Variants in CSMD3 observed in about 807,000 individuals in gnomAD.
CSMD3 encodes the protein CUB and Sushi multiple domains 3.
A neutral mutation model predicts 435.2 loss-of-function variants in CSMD3; 177 were observed. The ratio of observed to expected loss-of-function variants is 0.41; its 90% CI spans 0.36 to 0.46. The LOEUF (loss-of-function observed/expected upper bound fraction) is 0.46. Among genes scored for constraint, CSMD3 ranks in the 20% least tolerant of loss-of-function variants. CSMD3 has a pLI of 0.34. For missense variants in CSMD3, 4,265 were observed against 4,504.6 expected, an observed-to-expected ratio of 0.95 and a Z score of 1.52; for synonymous variants, 1,656 against 1,520.5, an observed-to-expected ratio of 1.09 and a Z score of -2.07.
intron 1 of CSMD3, among the ~76,000 whole-genome samples, chr8:113,354,601 G>A (rs1480615601): frequency 6.6e-6 from 1 of 152,126 alleles, no homozygotes; most frequent in Non-Finnish European, 1.5e-5. Context: ...GATCCCCAAA[G>A]TAACATAACA....
At chr8:113,311,799 A>C (rs2093871383) in intron 2 of CSMD3, 1 of 152,174 alleles carries the variant, frequency 6.6e-6, no homozygotes, top group Non-Finnish European at 1.5e-5. Flanking sequence ...GAAGCACAAA[A>C]ACCAATAAAT....
At chr8:113,072,981 T>C (rs2089189649) in intron 5 of CSMD3, among the ~76,000 whole-genome samples, 1 of 151,490 alleles carries the variant, frequency 6.6e-6, no homozygotes, top group Non-Finnish European at 1.5e-5. Flanking sequence ...CTGACTTTGT[T>C]ACTGATCTAT....
intron 17 of CSMD3, among the ~76,000 whole-genome samples, chr8:112,662,530 G>A (rs956576324): frequency 6.6e-6 from 1 of 152,014 alleles, no homozygotes; most frequent in African/African-American, 2.4e-5. Context: ...ATTCAAGATG[G>A]ATTAAAGACT....
chr8:112,589,958 T>C (rs1347496388), intron 22 of CSMD3, among the ~76,000 whole-genome samples: 1 of 152,142 alleles, frequency 6.6e-6, no homozygotes, highest in Non-Finnish European at 1.5e-5. Context: ...AGTCAGGTGC[T>C]ATAAGGAATA....
intron 32 of CSMD3, among the ~76,000 whole-genome samples, chr8:112,467,018 A>G (rs544769368): frequency 1.3e-5 from 2 of 152,346 alleles, no homozygotes; most frequent in Admixed American, 6.5e-5. Flanking sequence ...TAAACAAAAT[A>G]CATTAAAGTA....
intron 66 of CSMD3, among the ~76,000 whole-genome samples, chr8:112,241,378 C>A (rs1420036759): frequency 6.6e-6 from 1 of 151,892 alleles, no homozygotes; most frequent in Non-Finnish European, 1.5e-5. Context: ...GTATTTGGAT[C>A]CTTTTAAAAA....
At chr8:112,403,050 G>A (rs943622941) in intron 35 of CSMD3, among the ~76,000 whole-genome samples, 6 of 152,092 alleles carry the variant, frequency 3.9e-5, no homozygotes, top group Admixed American at 3.9e-4. Flanking sequence ...TCTCTGGTAG[G>A]CACAAGATAG....
intron 5 of CSMD3, among the ~76,000 whole-genome samples, chr8:113,069,607 A>C (rs181758171): frequency 2.9e-4 from 44 of 152,214 alleles, no homozygotes; most frequent in African/African-American, 1.0e-3. Context: ...AGATGTGGGC[A>C]GTAATGGGAT....
At chr8:113,071,658 G>A (rs1368067364) in intron 5 of CSMD3, among the ~76,000 whole-genome samples, 4 of 151,802 alleles carry the variant, frequency 2.6e-5, no homozygotes, top group African/African-American at 9.6e-5. Context: ...TATCTATTCT[G>A]TTCCATTGTC....
chr8:113,273,215 A>G (rs1379766914), intron 3 of CSMD3, among the ~76,000 whole-genome samples: 2 of 152,056 alleles, frequency 1.3e-5, no homozygotes, highest in East Asian at 3.9e-4. Flanking sequence ...CTCATGGGAT[A>G]TGTGAACTTA....
chr8:112,387,012 G>A lies in CSMD3; in HGVS notation c.5935-3349C>T, dbSNP rs569374719. On this transcript the variant is annotated intron_variant, in intron 36 of 70. Transcript: ENST00000297405. ...TGCTGTAAATTGATACAATAATGTA[G>A]CCAACATATTTTCCCCCATGGCTTA... 8.5e-4 allele frequency among the ~76,000 whole-genome samples: 129 copies of A among 152,166 alleles called. 1 individual carries two copies. The highest frequency in any genetic ancestry group is 2.9e-3 in the African/African-American group (119 of 41,538).
At chr8:112,996,119 T>C (rs1367948974) in intron 6 of CSMD3, among the ~76,000 whole-genome samples, 2 of 151,536 alleles carry the variant, frequency 1.3e-5, no homozygotes, top group African/African-American at 4.8e-5. Context: ...GTGAGAACAC[T>C]TAAAAATCTA....
intron 38 of CSMD3, among the ~76,000 whole-genome samples, chr8:112,373,315 G>T (rs1190516837): frequency 1.3e-5 from 2 of 152,010 alleles, no homozygotes; most frequent in African/African-American, 4.8e-5. Context: ...GTTACTCAGT[G>T]GGCAGAACTT....
chr8:112,724,666 T>C (rs1048662952), intron 13 of CSMD3, among the ~76,000 whole-genome samples: 2 of 152,068 alleles, frequency 1.3e-5, no homozygotes, highest in Non-Finnish European at 2.9e-5. Flanking sequence ...AGCAGCATAT[T>C]TGGGCTGGCA....
chr8:112,653,847 A>G (rs1440766107), intron 18 of CSMD3, among the ~76,000 whole-genome samples: 2 of 151,950 alleles, frequency 1.3e-5, no homozygotes, highest in Non-Finnish European at 2.9e-5. Context: ...TTTAGTAGAG[A>G]TGGGGTTTCA....
intron 38 of CSMD3, among the ~76,000 whole-genome samples, chr8:112,358,517 G>A (rs1287962804): frequency 1.3e-5 from 2 of 152,124 alleles, no homozygotes; most frequent in Non-Finnish European, 2.9e-5. Context: ...GGAACCCAGT[G>A]GCAGGTAATT....
At chr8:112,506,173 C>T (rs1586547861) in intron 29 of CSMD3, among the ~76,000 whole-genome samples, 1 of 152,006 alleles carries the variant, frequency 6.6e-6, no homozygotes, top group East Asian at 1.9e-4. Flanking sequence ...TATTTATTTA[C>T]AATTATGCTA....
chr8:112,237,673 G>A (rs919753388), intron 66 of CSMD3, among the ~76,000 whole-genome samples: 1 of 151,948 alleles, frequency 6.6e-6, no homozygotes, highest in Non-Finnish European at 1.5e-5. Flanking sequence ...CTTTCTGAAG[G>A]AAAATAAAAT....
At chr8:113,215,345 T>TA (rs1203857383) in intron 3 of CSMD3, among the ~76,000 whole-genome samples, 1 of 151,854 alleles carries the variant, frequency 6.6e-6, no homozygotes, top group Non-Finnish European at 1.5e-5. Flanking sequence ...AAAGGAAAGA[T>TA]AAAAAATTAA....
Sources: gnomAD v4.1 joint callset for allele counts (sites outside exome capture counted in the v4.1 genomes callset) on GRCh38, gnomAD v4.1.1 for gene constraint, MANE v1.5 for transcripts, NCBI Gene and HGNC (gene_info 2026-07-23, HGNC 2026-07-21) for gene names.